Variants in UNC13C observed in about 807,000 individuals in gnomAD.
UNC13C encodes the protein protein unc-13 homolog C.
In UNC13C, 174 loss-of-function variants were observed where a neutral mutation model predicts 245.4. The ratio of observed to expected loss-of-function variants is 0.71; its 90% CI spans 0.63 to 0.80. The LOEUF is 0.80. Ranked by LOEUF, UNC13C falls within the 30% of genes least tolerant of loss-of-function variation. UNC13C has a pLI of 0.00. For synonymous variants in UNC13C, 992 were observed against 895.1 expected (o/e 1.11, Z -1.93); for missense variants, 2,829 against 2,602.9 (o/e 1.09, Z -1.89).
chr15:54,108,621 A>AT (rs1238311598), intron 2 of UNC13C, among the ~76,000 whole-genome samples: 2 of 152,180 alleles, frequency 1.3e-5, no homozygotes, highest in Admixed American at 6.5e-5. Flanking sequence ...CTTAACTTTT[A>AT]TTTTTCCCAT....
chr15:54,611,437 TGAAGA>T (rs1900088177), intron 30 of UNC13C: 1 of 152,104 alleles, frequency 6.6e-6, no homozygotes, highest in Non-Finnish European at 1.5e-5. Context: ...AAATTATGCT[TGAAGA>T]GAAAAGTAAG....
At chr15:53,951,207 C>T in the UNC13C span, among the ~76,000 whole-genome samples, 1 of 152,196 alleles carries the variant, frequency 6.6e-6, no homozygotes, top group Admixed American at 6.5e-5. Flanking sequence ...AATAAACCTA[C>T]ATGGCTGGGT....
chr15:54,314,551 G>C (rs956896264), intron 13 of UNC13C, among the ~76,000 whole-genome samples: 2 of 151,632 alleles, frequency 1.3e-5, no homozygotes, highest in African/African-American at 4.8e-5. Context: ...TCCAGTCTTT[G>C]AGAGAGAACC....
intron 2 of UNC13C, among the ~76,000 whole-genome samples, chr15:54,126,114 G>T (rs957019930): frequency 2.5e-4 from 38 of 152,132 alleles, no homozygotes; most frequent in African/African-American, 8.9e-4. Context: ...AAAATAAAAG[G>T]ATAAACTTAA....
rs141314964 is a variant in UNC13C, at chr15:54,398,146, G to A, written c.4847+4965G>A. On this transcript the variant is annotated intron_variant, in intron 18 of 32. Coordinates refer to ENST00000260323, the MANE Select transcript of UNC13C (RefSeq NM_001080534.3). Reference sequence around the variant, plus strand: ...AGTTCTGTTCTGTTCTTATTATTCCGAAAGTTTTTATCATGAAAGGGTGTT... The same window carrying A: ...AGTTCTGTTCTGTTCTTATTATTCCAAAAGTTTTTATCATGAAAGGGTGTT... Among the ~76,000 whole-genome samples, 404 of 151,266 alleles carry A rather than the reference G, an allele frequency of 2.7e-3. 4 individuals are homozygous for A. Among genetic ancestry groups the A allele is most frequent in the African/African-American group, 8.4e-3 (346 of 41,432 alleles).
chr15:54,265,424 T>A lies in UNC13C; in HGVS notation c.3746T>A (p.Val1249Asp). The A allele has an allele frequency of 6.3e-7, 1 of 1,584,260 alleles. No individual in the cohort carries two copies. The highest frequency in any genetic ancestry group is 1.2e-5 in the South Asian group (1 of 86,430). ...GSSDPYVTVQVGKNKRRTKTI... is the reference protein window; with the variant it reads ...GSSDPYVTVQDGKNKRRTKTI... Reference sequence around the variant, plus strand: ...AGTGATCCATATGTTACAGTTCAAGTTGGAAAGAACAAAAGAAGAACAAAA... The same window carrying A: ...AGTGATCCATATGTTACAGTTCAAGATGGAAAGAACAAAAGAAGAACAAAA... Residue 1249 changes from valine (V) to aspartate (D), a missense_variant, in exon 10 of 33, where the codon GTT becomes GAT. Coordinates refer to ENST00000260323, the MANE Select transcript of UNC13C (RefSeq NM_001080534.3).
the UNC13C span, among the ~76,000 whole-genome samples, chr15:53,927,739 G>C: frequency 6.6e-6 from 1 of 152,170 alleles, no homozygotes; most frequent in Non-Finnish European, 1.5e-5. Context: ...GCCCAGGGAA[G>C]TTTTAGAAAT....
intron 2 of UNC13C, among the ~76,000 whole-genome samples, chr15:54,018,799 G>C (rs1056865448): frequency 2.6e-5 from 4 of 152,116 alleles, no homozygotes; most frequent in African/African-American, 9.7e-5. Context: ...GAATAGTCTA[G>C]AGGCAAGTTG....
the UNC13C span, among the ~76,000 whole-genome samples, chr15:53,867,371 T>C: frequency 6.6e-6 from 1 of 152,296 alleles, no homozygotes; most frequent in East Asian, 1.9e-4. Flanking sequence ...TTAACAACGT[T>C]TGATTTTGAT....
At chr15:54,475,106 C>T (rs1892655539) in intron 19 of UNC13C, among the ~76,000 whole-genome samples, 1 of 151,790 alleles carries the variant, frequency 6.6e-6, no homozygotes, top group Admixed American at 6.6e-5. Flanking sequence ...AATTATATCA[C>T]TCTGATTTGT....
chr15:54,616,223 A>T (rs16974972), intron 30 of UNC13C, among the ~76,000 whole-genome samples: 4,142 of 152,118 alleles, frequency 0.027, 192 homozygotes, highest in African/African-American at 0.093. Context: ...AATCAGCAGT[A>T]AGTTTAAAGT....
At chr15:54,079,731 G>A (rs1898834141) in intron 2 of UNC13C, among the ~76,000 whole-genome samples, 1 of 151,948 alleles carries the variant, frequency 6.6e-6, no homozygotes, top group Admixed American at 6.6e-5. Context: ...AGGCTTTCTA[G>A]TTATAGAATC....
the UNC13C span, among the ~76,000 whole-genome samples, chr15:53,840,307 A>G: frequency 6.6e-6 from 1 of 152,136 alleles, no homozygotes; most frequent in African/African-American, 2.4e-5. Flanking sequence ...TAAATGTCTA[A>G]TAATTACCTT....
chr15:53,896,994 T>TA, the UNC13C span, among the ~76,000 whole-genome samples: 1 of 152,206 alleles, frequency 6.6e-6, no homozygotes, highest in Non-Finnish European at 1.5e-5. Context: ...GGTTTTCTGT[T>TA]ACATGTAATT....
intron 2 of UNC13C, among the ~76,000 whole-genome samples, chr15:54,098,959 C>T (rs548474597): frequency 3.3e-5 from 5 of 152,244 alleles, no homozygotes; most frequent in South Asian, 2.1e-4. Context: ...AAGTCAGAGC[C>T]GGTACATGGA....
At chr15:54,277,908 A>C (rs1032736233) in intron 10 of UNC13C, among the ~76,000 whole-genome samples, 1 of 152,108 alleles carries the variant, frequency 6.6e-6, no homozygotes, top group African/African-American at 2.4e-5. Context: ...ATGAACTGGC[A>C]CTCCAGGCGA....
chr15:54,413,771 A>AT (rs1337289889), intron 18 of UNC13C, among the ~76,000 whole-genome samples: 1 of 152,150 alleles, frequency 6.6e-6, no homozygotes, highest in Non-Finnish European at 1.5e-5. Flanking sequence ...TTTTGAGGTC[A>AT]TATTTCCTTA....
intron 19 of UNC13C, among the ~76,000 whole-genome samples, chr15:54,422,881 C>T (rs1408694206): frequency 6.6e-6 from 1 of 151,044 alleles, no homozygotes; most frequent in Non-Finnish European, 1.5e-5. Flanking sequence ...TTTTTGATGC[C>T]TTTTCCTTTT....
At chr15:54,149,656 G>C (rs1457978075) in intron 4 of UNC13C, among the ~76,000 whole-genome samples, 2 of 152,134 alleles carry the variant, frequency 1.3e-5, no homozygotes. Context: ...AAAGATCAAT[G>C]TCTTTAAAGG....
Sources: allele counts gnomAD v4.1 joint callset (sites outside exome capture counted in the v4.1 genomes callset), GRCh38; gene constraint gnomAD v4.1.1; transcripts MANE v1.5; gene names NCBI Gene and HGNC (gene_info 2026-07-23, HGNC 2026-07-21).